The following MMP16 variants were observed in gnomAD, a reference collection of about 807,000 sequenced individuals.
MMP16 encodes matrix metallopeptidase 16.
A neutral mutation model predicts 67.8 loss-of-function variants in MMP16; 12 were observed. That is an observed-to-expected ratio of 0.18 (90% CI 0.11 to 0.29). The LOEUF is 0.29. Among genes scored for constraint, MMP16 ranks in the 10% least tolerant of loss-of-function variants. The pLI is 1.00. For synonymous variants in MMP16, 249 were observed against 255.9 expected (o/e 0.97, Z 0.26); for missense variants, 475 against 765.7 (o/e 0.62, Z 4.48).
chr8:88,298,314 T>C (rs1029594518), intron 1 of MMP16, among the ~76,000 whole-genome samples: 2 of 152,170 alleles, frequency 1.3e-5, no homozygotes, highest in African/African-American at 4.8e-5. Flanking sequence ...TATCAAAGTG[T>C]AGACTGGGAG....
chr8:88,212,311 T>C (rs909615156), intron 1 of MMP16, among the ~76,000 whole-genome samples: 2 of 152,140 alleles, frequency 1.3e-5, no homozygotes, highest in African/African-American at 4.8e-5. Context: ...AAGTTTCAAA[T>C]TATACATGTA....
At chr8:88,168,014 A>AAGCTAACTT in intron 3 of MMP16, 41 bp from the exon 4 acceptor site, 1 of 1,472,496 alleles carries the variant, frequency 6.8e-7, no homozygotes, top group Non-Finnish European at 9.2e-7. Flanking sequence ...TGTTATGTAT[A>AAGCTAACTT]AGCTAACTTA....
rs79203292 is a variant in MMP16 at position 88,136,851 on chromosome 8, C to T, written c.710-17990G>A. ...CCACTACATATGTTTTCATACACCA[C>T]ACCACATTATACCATTACATTCACT... is the stretch of plus-strand genomic sequence containing the variant. On this transcript the variant is annotated intron_variant, in intron 4 of 9. Coordinates refer to ENST00000286614, the MANE Select transcript of MMP16 (RefSeq NM_005941.5). Among the ~76,000 whole-genome samples the T allele has an allele frequency of 6.4e-3, 978 of 151,802 alleles. 5 individuals are homozygous for T. The highest frequency in any genetic ancestry group is 0.022 in the African/African-American group (926 of 41,452).
At chr8:88,271,898 G>A (rs1289941596) in intron 1 of MMP16, among the ~76,000 whole-genome samples, 1 of 152,176 alleles carries the variant, frequency 6.6e-6, no homozygotes, top group African/African-American at 2.4e-5. Flanking sequence ...ATGCATTATA[G>A]TGATATAAAT....
chr8:88,104,061 A>G (rs545595905), intron 6 of MMP16, among the ~76,000 whole-genome samples: 1 of 151,912 alleles, frequency 6.6e-6, no homozygotes, highest in African/African-American at 2.4e-5. Flanking sequence ...TATTTTAAAA[A>G]TTAGTATGGC....
At chr8:88,153,482 G>T (rs1459655322) in intron 4 of MMP16, among the ~76,000 whole-genome samples, 8 of 152,110 alleles carry the variant, frequency 5.3e-5, no homozygotes, top group Admixed American at 2.0e-4. Context: ...AAGGCTACAG[G>T]AACCAAAACA....
chr8:88,033,722 T>C lies in MMP16; in HGVS notation c.*7739A>G, dbSNP rs1808015730. ...TGAAACAAATTTTTATGGTCGAGTCTCTAAAACCCCTGAAAATAGAGGTCT... is the reference window on the plus strand; with the variant it reads ...TGAAACAAATTTTTATGGTCGAGTCCCTAAAACCCCTGAAAATAGAGGTCT... On this transcript the variant is annotated 3_prime_UTR_variant, in exon 10 of 10. Transcript: ENST00000286614. 1 of 152,020 alleles carries C rather than the reference T, an allele frequency of 6.6e-6. No individual in the cohort carries two copies. Among genetic ancestry groups the C allele is most frequent in the Non-Finnish European group, 1.5e-5 (1 of 67,944 alleles). The allele number at this position is 152,020 out of a possible 1,614,324, so 9.4% of individuals were successfully genotyped here.
rs117287911 is a variant in MMP16, at chr8:88,230,680, G to C, written c.133-33374C>G. ...GTCAACCATACATAAGCTATTTAAA[G>C]TTTGCATTAAAAAATAGTAGCAATG... On this transcript the variant is annotated intron_variant, in intron 1 of 9. Coordinates refer to ENST00000286614, the MANE Select transcript of MMP16 (RefSeq NM_005941.5). Among the ~76,000 whole-genome samples the C allele has an allele frequency of 1.6e-3, 238 of 151,886 alleles. 1 individual carries two copies. The highest frequency in any genetic ancestry group is 2.8e-3 in the Non-Finnish European group (188 of 67,960).
chr8:88,279,078 TA>T (rs1476503975), intron 1 of MMP16, among the ~76,000 whole-genome samples: 1 of 151,922 alleles, frequency 6.6e-6, no homozygotes, highest in Non-Finnish European at 1.5e-5. Context: ...AAAAATGAGC[TA>T]AGCGTGATGG....
At chr8:88,149,001 C>T (rs910269847) in intron 4 of MMP16, among the ~76,000 whole-genome samples, 3 of 152,172 alleles carry the variant, frequency 2.0e-5, no homozygotes, top group South Asian at 2.1e-4. Context: ...CCAGTGGGTG[C>T]GCGCACCGGG....
In MMP16 at chr8:88,264,273, C is replaced by T. The variant is rs573702200; in HGVS notation, c.132+62802G>A. 2.8e-4 allele frequency among the ~76,000 whole-genome samples: 42 copies of T among 152,210 alleles called. No individual in the cohort carries two copies. In the South Asian group the frequency reaches 6.2e-3, roughly 23 times the overall value. On this transcript the variant is annotated intron_variant, in intron 1 of 9. Transcript: ENST00000286614. ...GAAGTACAGTGGCACAGTCATAACT[C>T]TTTTTAGCCTTCAACCCCTGGACTC...
chr8:88,081,079 G>T (rs576876612), intron 6 of MMP16, among the ~76,000 whole-genome samples: 1 of 152,158 alleles, frequency 6.6e-6, no homozygotes, highest in South Asian at 2.1e-4. Context: ...ATAGGTGAGT[G>T]GAGTTTGGAA....
intron 4 of MMP16, among the ~76,000 whole-genome samples, chr8:88,143,662 T>C (rs1808247711): frequency 1.3e-5 from 2 of 151,998 alleles, no homozygotes; most frequent in Non-Finnish European, 2.9e-5. Context: ...GATTTTAGGT[T>C]GATTAGATAA....
chr8:88,102,473 C>T (rs1303368830), intron 6 of MMP16, among the ~76,000 whole-genome samples: 1 of 151,750 alleles, frequency 6.6e-6, no homozygotes, highest in Non-Finnish European at 1.5e-5. Context: ...CTTCAGGAAC[C>T]TCCATGTGTT....
At chr8:88,258,856 C>A (rs892580362) in intron 1 of MMP16, among the ~76,000 whole-genome samples, 7 of 152,124 alleles carry the variant, frequency 4.6e-5, no homozygotes, top group Non-Finnish European at 7.4e-5. Flanking sequence ...GAAATTAAGT[C>A]AAAATATTTG....
chr8:88,068,085 T>C (rs1317185825), intron 7 of MMP16, among the ~76,000 whole-genome samples: 3 of 152,144 alleles, frequency 2.0e-5, no homozygotes, highest in Non-Finnish European at 4.4e-5. Flanking sequence ...GTATGGTCAG[T>C]CATTTATGTG....
intron 4 of MMP16, among the ~76,000 whole-genome samples, chr8:88,162,669 T>A (rs1478347252): frequency 6.6e-6 from 1 of 151,970 alleles, no homozygotes; most frequent in Non-Finnish European, 1.5e-5. Flanking sequence ...TGGTGGAAGG[T>A]GACTGGATCA....
intron 1 of MMP16, among the ~76,000 whole-genome samples, chr8:88,309,546 C>A (rs1473882524): frequency 1.3e-5 from 2 of 151,970 alleles, no homozygotes; most frequent in East Asian, 3.9e-4. Flanking sequence ...AACTCTTGGG[C>A]AGATGGACGT....
chr8:88,280,082 T>C (rs1418506762), intron 1 of MMP16, among the ~76,000 whole-genome samples: 1 of 152,154 alleles, frequency 6.6e-6, no homozygotes, highest in Non-Finnish European at 1.5e-5. Context: ...CTGTAGATAA[T>C]CTTGAAGAAT....
Sources: allele counts gnomAD v4.1 joint callset (sites outside exome capture counted in the v4.1 genomes callset), GRCh38; gene constraint gnomAD v4.1.1; transcripts MANE v1.5; gene names NCBI Gene and HGNC (gene_info 2026-07-23, HGNC 2026-07-21).